Variants in FAM47E observed in about 807,000 individuals in gnomAD.
FAM47E encodes protein FAM47E.
A neutral mutation model predicts 41.6 loss-of-function variants in FAM47E; 32 were observed. That is an observed-to-expected ratio of 0.77 (90% CI 0.58 to 1.03). The LOEUF is 1.03. FAM47E is among the 50% of genes least tolerant of loss of function. FAM47E has a pLI of 0.00. For synonymous variants in FAM47E, 184 were observed against 188.7 expected, an observed-to-expected ratio of 0.98 and a Z score of 0.20; for missense variants, 424 against 485.4, an observed-to-expected ratio of 0.87 and a Z score of 1.19.
At chr4:76,241,652 C>T (rs1733715347) in intron 2 of FAM47E, among the ~76,000 whole-genome samples, 2 of 152,098 alleles carry the variant, frequency 1.3e-5, no homozygotes, top group Non-Finnish European at 2.9e-5. Flanking sequence ...TCAATAGACC[C>T]CAAAGTTTTA....
chr4:76,225,437 G>A (rs1280720859), intron 2 of FAM47E, among the ~76,000 whole-genome samples: 1 of 152,150 alleles, frequency 6.6e-6, no homozygotes, highest in African/African-American at 2.4e-5. Context: ...GAATAGCAGT[G>A]ATGAAAATGG....
chr4:76,260,662 A>C (rs1011894394), intron 2 of FAM47E, among the ~76,000 whole-genome samples: 2 of 152,324 alleles, frequency 1.3e-5, no homozygotes, highest in Admixed American at 1.3e-4. Context: ...GAGGCAAAGA[A>C]TTTATGACTA....
intron 4 of FAM47E, among the ~76,000 whole-genome samples, chr4:76,270,245 A>C (rs1451364051): frequency 6.6e-6 from 1 of 152,200 alleles, no homozygotes; most frequent in East Asian, 1.9e-4. Flanking sequence ...TTCCAAGCTT[A>C]TATCCTACCA....
chr4:76,242,703 C>T (rs1733736284), intron 2 of FAM47E, among the ~76,000 whole-genome samples: 1 of 152,112 alleles, frequency 6.6e-6, no homozygotes, highest in Non-Finnish European at 1.5e-5. Flanking sequence ...AAGTAAAATA[C>T]ACACCAAACT....
In FAM47E at chr4:76,262,859, C is replaced by A. The variant is rs1446263781; in HGVS notation, c.421-845C>A. Among the ~76,000 whole-genome samples, 6 of 152,196 alleles carry A rather than the reference C, an allele frequency of 3.9e-5. No homozygotes were observed. In the South Asian group the frequency reaches 6.2e-4, roughly 16 times the overall value. On this transcript the variant is annotated intron_variant, in intron 2 of 7. Transcript: ENST00000424749. ...TTCACTGTTACCTCAAACTCCTGGG[C>A]TCAAGGGATCCTCTCACCTTAGCCT... is the stretch of plus-strand genomic sequence containing the variant.
At chr4:76,224,133 C>T (rs1733354240) in intron 2 of FAM47E, among the ~76,000 whole-genome samples, 1 of 152,182 alleles carries the variant, frequency 6.6e-6, no homozygotes, top group African/African-American at 2.4e-5. Flanking sequence ...ATTGCAAAGT[C>T]AGAAAGAAAT....
At chr4:76,263,940 A>T in intron 3 of FAM47E, 97 bp downstream of exon 3, 1 of 1,460,886 alleles carries the variant, frequency 6.8e-7, no homozygotes, top group South Asian at 1.5e-5. Context: ...AATACTTCTA[A>T]TGAAGCAAAT....
At chr4:76,235,980 A>G (rs1733579857) in intron 2 of FAM47E, among the ~76,000 whole-genome samples, 2 of 152,238 alleles carry the variant, frequency 1.3e-5, no homozygotes, top group African/African-American at 4.8e-5. Context: ...TAGAGCCAGG[A>G]TTCGTTCCTG....
chr4:76,246,175 T>C (rs1733822786), intron 2 of FAM47E, among the ~76,000 whole-genome samples: 1 of 152,108 alleles, frequency 6.6e-6, no homozygotes, highest in African/African-American at 2.4e-5. Context: ...ACTGTGTTGG[T>C]TGGTAAATAG....
At chr4:76,260,819 C>G (rs1022659554) in intron 2 of FAM47E, among the ~76,000 whole-genome samples, 1 of 152,096 alleles carries the variant, frequency 6.6e-6, no homozygotes, top group Non-Finnish European at 1.5e-5. Flanking sequence ...ATACATGTGA[C>G]AAAGGACTAA....
chr4:76,217,311 T>A (rs1399293588), intron 1 of FAM47E, among the ~76,000 whole-genome samples: 2 of 152,182 alleles, frequency 1.3e-5, no homozygotes, highest in Non-Finnish European at 2.9e-5. Flanking sequence ...TCAGGACTCT[T>A]CCTGGTGACT....
At chr4:76,252,666 T>C (rs1273770528) in intron 1 of FAM47E, among the ~76,000 whole-genome samples, 1 of 152,188 alleles carries the variant, frequency 6.6e-6, no homozygotes, top group Non-Finnish European at 1.5e-5. Flanking sequence ...TTAGCAATTA[T>C]TCATAGTTGT....
intron 2 of FAM47E, among the ~76,000 whole-genome samples, chr4:76,237,361 TTTTG>T (rs1560733009): frequency 9.0e-6 from 1 of 111,378 alleles, no homozygotes; most frequent in Admixed American, 8.9e-5. Context: ...GTTTTTTTTT[TTTTG>T]TTTGTTTGTT....
rs1032156290 is a variant in FAM47E at position 76,278,237 on chromosome 4, A to C, written c.1026+13A>C. ...GCTGCAGGAACAGGTATGTATTTATACTGAGATTTGATCATCTGAGCTTCA... is the reference window on the plus strand; with the variant it reads ...GCTGCAGGAACAGGTATGTATTTATCCTGAGATTTGATCATCTGAGCTTCA... On this transcript the variant is annotated intron_variant, in intron 6 of 7. Transcript: ENST00000424749. The C allele has an allele frequency of 1.7e-5, 26 of 1,513,308 alleles. No homozygotes were observed. The highest frequency in any genetic ancestry group is 2.3e-5 in the Non-Finnish European group (26 of 1,133,494). The allele number at this position is 1,513,308 out of a possible 1,614,324, so 93.7% of individuals were successfully genotyped here. A position where few individuals can be genotyped will look rare whatever the true frequency, so the allele number is the denominator to read the frequency against.
chr4:76,255,125 C>A (rs1331732786), intron 1 of FAM47E, among the ~76,000 whole-genome samples: 24 of 152,078 alleles, frequency 1.6e-4, no homozygotes, highest in Admixed American at 1.6e-3. Context: ...AGCCATTTTT[C>A]CCGATTATTT....
intron 2 of FAM47E, among the ~76,000 whole-genome samples, chr4:76,236,942 C>A (rs1733598000): frequency 6.7e-6 from 1 of 149,554 alleles, no homozygotes; most frequent in African/African-American, 2.5e-5. Context: ...GTCACCCAGG[C>A]TGGAGTGCAG....
intron 4 of FAM47E, among the ~76,000 whole-genome samples, chr4:76,271,107 C>T (rs1374159526): frequency 6.6e-6 from 1 of 152,200 alleles, no homozygotes; most frequent in African/African-American, 2.4e-5. Context: ...GTGCCCATCT[C>T]TACTCCCACC....
intron 6 of FAM47E, 178 bp downstream of exon 6, chr4:76,278,402 C>A (rs1243475310): frequency 3.2e-6 from 2 of 617,526 alleles, no homozygotes; most frequent in Non-Finnish European, 4.8e-6. Flanking sequence ...GTGTAATAAG[C>A]AAGACTTGGA....
Position 76,251,737 on chromosome 4 carries a change from T to C in FAM47E, c.-10T>C. 11 of 1,480,084 alleles carry C rather than the reference T, an allele frequency of 7.4e-6. No individual in the cohort carries two copies. The highest frequency in any genetic ancestry group is 9.8e-6 in the Non-Finnish European group (11 of 1,122,472). The allele number at this position is 1,480,084 out of a possible 1,614,324, so 91.7% of individuals were successfully genotyped here. Reference sequence around the variant, plus strand: ...CAAGCCCGGACGGTGGCCGCGAAGCTAGGGCCACCATGGCGGACCGCAGGC... The same window carrying C: ...CAAGCCCGGACGGTGGCCGCGAAGCCAGGGCCACCATGGCGGACCGCAGGC... On this transcript the variant is annotated 5_prime_UTR_variant, in exon 1 of 8. Transcript: ENST00000424749.
Sources: gnomAD v4.1 joint callset for allele counts (sites outside exome capture counted in the v4.1 genomes callset) on GRCh38, gnomAD v4.1.1 for gene constraint, MANE v1.5 for transcripts, NCBI Gene and HGNC (gene_info 2026-07-23, HGNC 2026-07-21) for gene names.